The following KPNB1 variants were observed in gnomAD, a reference collection of about 807,000 sequenced individuals.
The protein encoded by KPNB1 is karyopherin subunit beta 1.
KPNB1 carries 7 observed loss-of-function variants against 113.0 expected under a neutral mutation model. The ratio of observed to expected loss-of-function variants is 0.06; its 90% confidence interval spans 0.04 to 0.12. KPNB1 has a LOEUF of 0.12. Ranked by LOEUF, KPNB1 falls within the 10% of genes least tolerant of loss-of-function variation. KPNB1 has a pLI of 1.00. For synonymous variants in KPNB1, 363 were observed against 378.6 expected (o/e 0.96, Z 0.48); for missense variants, 400 against 1,054.8 (o/e 0.38, Z 8.60).
At chr17:47,676,369 C>G (rs1191278086) in intron 15 of KPNB1, 40 bp from the exon 16 acceptor site, 1 of 1,417,560 alleles carries the variant, frequency 7.1e-7, no homozygotes, top group East Asian at 2.3e-5. Context: ...CTGTGTTAAC[C>G]CGTGGTGCTG....
chr17:47,663,687 C>T (rs953608663), intron 7 of KPNB1, among the ~76,000 whole-genome samples: 2 of 151,116 alleles, frequency 1.3e-5, no homozygotes, highest in Admixed American at 6.6e-5. Context: ...AAACAACCTG[C>T]ATTTTGAAAA....
At chr17:47,681,053 TTTTG>T (rs1219913857) in intron 21 of KPNB1, among the ~76,000 whole-genome samples, 147 of 125,500 alleles carry the variant, frequency 1.2e-3, no homozygotes, top group Admixed American at 2.5e-3. Flanking sequence ...TCAAATGTTT[TTTTG>T]TGTGTGTGTG....
rs113825536 is a variant in KPNB1, at chr17:47,675,367, T to G, written c.1912+585T>G. Among the ~76,000 whole-genome samples the G allele has an allele frequency of 9.0e-3, 1,001 of 111,444 alleles. 40 individuals carry two copies. Among genetic ancestry groups the G allele is most frequent in the South Asian group, 0.024 (88 of 3,638 alleles). 73.1% of individuals were successfully genotyped at this position (111,444 alleles called of 152,430 possible). Reference sequence around the variant, plus strand: ...GGAGATTGGCAGAGGTGTTGTTTTTTTTTTGTTTTTTTTTTTTGTTTGTTT... The same window carrying G: ...GGAGATTGGCAGAGGTGTTGTTTTTGTTTTGTTTTTTTTTTTTGTTTGTTT... On this transcript the variant is annotated intron_variant, in intron 15 of 21. Coordinates refer to ENST00000290158, the MANE Select transcript of KPNB1 (RefSeq NM_002265.6).
chr17:47,654,146 G>A (rs1206973826), intron 3 of KPNB1, among the ~76,000 whole-genome samples: 1 of 152,160 alleles, frequency 6.6e-6, no homozygotes, highest in Non-Finnish European at 1.5e-5. Flanking sequence ...TGGGCGCAGT[G>A]GCTCATGCCT....
At position 47,664,165 on chromosome 17, in the gene KPNB1, A is replaced by G. The variant is rs770855106; in HGVS notation, c.793A>G (p.Ile265Val). The change falls in exon 8 of 22, where the codon ATC becomes GTC. Residue 265 changes from isoleucine (I) to valine (V), a missense_variant. By Grantham distance (29) the Ile-to-Val change is conservative. Transcript: ENST00000290158. Reference protein sequence around the residue: ...YMGPALFAITIEAMKSDIDEV... With the variant: ...YMGPALFAITVEAMKSDIDEV... ...GGGTGTTTTTCTTCTTAAGATCACA[A>G]TCGAAGCAATGAAAAGTGACATTGA... The G allele has an allele frequency of 4.3e-6, 7 of 1,610,836 alleles. No individual in the cohort carries two copies. The highest frequency in any genetic ancestry group is 5.9e-6 in the Non-Finnish European group (7 of 1,177,102).
chr17:47,662,685 G>A (rs1418253544), intron 6 of KPNB1, among the ~76,000 whole-genome samples: 2 of 151,886 alleles, frequency 1.3e-5, no homozygotes, highest in Admixed American at 1.3e-4. Context: ...AGTTCGAGAT[G>A]AGCCTGGTCA....
intron 19 of KPNB1, 32 bp from the exon 20 acceptor site, chr17:47,679,988 C>T (rs1308205053): frequency 1.0e-5 from 15 of 1,478,522 alleles, no homozygotes; most frequent in Non-Finnish European, 1.4e-5. Flanking sequence ...TGAGCCACCG[C>T]ACCCGACCAA....
chr17:47,651,208 C>T (rs1915558203), intron 2 of KPNB1: 2 of 984,976 alleles, frequency 2.0e-6, no homozygotes. Context: ...TTAAGGGGTC[C>T]GGAGAAAATG....
At chr17:47,665,016 C>T in intron 8 of KPNB1, 41 bp from the exon 9 acceptor site, 6 of 1,482,432 alleles carry the variant, frequency 4.0e-6, no homozygotes, top group Admixed American at 1.7e-5. Context: ...GTATACAGAG[C>T]TCGGTTGCTT....
At chr17:47,656,001 C>G (rs1448121707) in intron 3 of KPNB1, among the ~76,000 whole-genome samples, 2 of 152,194 alleles carry the variant, frequency 1.3e-5, no homozygotes, top group African/African-American at 4.8e-5. Flanking sequence ...CGCCTGTCAT[C>G]CCAGTACTTT....
chr17:47,654,072 G>C (rs1915652952), intron 3 of KPNB1, among the ~76,000 whole-genome samples: 1 of 152,056 alleles, frequency 6.6e-6, no homozygotes, highest in Non-Finnish European at 1.5e-5. Flanking sequence ...AATTGTAATT[G>C]GCTTATTTTT....
chr17:47,651,364 A>T, intron 2 of KPNB1: 1 of 985,096 alleles, frequency 1.0e-6, no homozygotes, highest in Non-Finnish European at 1.2e-6. Context: ...GATGCTTGAC[A>T]TCTTTGAGAA....
chr17:47,675,376 TTTTTTTTTGTTTG>T (rs1158428955), intron 15 of KPNB1, among the ~76,000 whole-genome samples: 1,704 of 118,848 alleles, frequency 0.014, 291 homozygotes, highest in African/African-American at 0.053. Context: ...TTTTTTGTTT[TTTTTTTTTGTTTG>T]TTTTTTTTTT....
chr17:47,651,237 A>G (rs1915559051), intron 2 of KPNB1: 1 of 985,178 alleles, frequency 1.0e-6, no homozygotes, highest in Non-Finnish European at 1.2e-6. Context: ...TCCGCTAGAG[A>G]CTGGTCCTTT....
Position 47,656,904 on chromosome 17 carries a change from C to T in KPNB1, c.327C>T (p.Ala109=), listed in dbSNP as rs574410983. Reference sequence around the variant, plus strand: ...CAGAAACTTACCGGCCTAGTTCTGCCTCACAGTGTGTGGCTGGTATTGCTT... The same window carrying T: ...CAGAAACTTACCGGCCTAGTTCTGCTTCACAGTGTGTGGCTGGTATTGCTT... ...LGTETYRPSS[A]SQCVAGIACA... The change falls in exon 4 of 22, where the codon GCC becomes GCT. Residue 109 remains alanine (A), a synonymous_variant. Coordinates refer to ENST00000290158, the MANE Select transcript of KPNB1 (RefSeq NM_002265.6). The T allele has an allele frequency of 7.4e-6, 12 of 1,614,032 alleles. No homozygotes were observed. Among genetic ancestry groups the T allele is most frequent in the Non-Finnish European group, 1.0e-5 (12 of 1,180,046 alleles).
Position 47,682,608 on chromosome 17 carries a change from T to C in KPNB1, c.*204T>C, listed in dbSNP as rs1277553520. ...ACAGCAGCGCTGTTAGTGAGCTAAG[T>C]AAGCACTGACTTCGTAGAAAACCAT... is the stretch of plus-strand genomic sequence containing the variant. On this transcript the variant is annotated 3_prime_UTR_variant, in exon 22 of 22. Coordinates refer to ENST00000290158, the MANE Select transcript of KPNB1 (RefSeq NM_002265.6). 3 of 586,964 alleles carry C rather than the reference T, an allele frequency of 5.1e-6. No homozygotes were observed. The highest frequency in any genetic ancestry group is 6.3e-5 in the Admixed American group (2 of 31,908). The allele number at this position is 586,964 out of a possible 1,614,324, so 36.4% of individuals were successfully genotyped here. A position where few individuals can be genotyped will look rare whatever the true frequency, so the allele number is the denominator to read the frequency against.
chr17:47,675,372 G>GTTTTTTTTTTTTTTTTTTTTTTTTTTTTT (rs755565036), intron 15 of KPNB1, among the ~76,000 whole-genome samples: 2 of 86,074 alleles, frequency 2.3e-5, no homozygotes, highest in East Asian at 3.8e-4. Flanking sequence ...TTTTTTTTTT[G>GTTTTTTTTTTTTTTTTTTTTTTTTTTTTT]TTTTTTTTTT....
intron 10 of KPNB1, among the ~76,000 whole-genome samples, chr17:47,668,959 C>G (rs2030369389): frequency 6.8e-6 from 1 of 147,138 alleles, no homozygotes. Context: ...GAGCGAAACT[C>G]TATCTCAAAA....
chr17:47,669,053 A>G (rs1471431300), intron 10 of KPNB1, among the ~76,000 whole-genome samples: 1 of 151,370 alleles, frequency 6.6e-6, no homozygotes, highest in Non-Finnish European at 1.5e-5. Context: ...AGATGCCATC[A>G]TAGCTGCATC....
Sources: gnomAD v4.1 joint callset for allele counts (sites outside exome capture counted in the v4.1 genomes callset) on GRCh38, gnomAD v4.1.1 for gene constraint, MANE v1.5 for transcripts, NCBI Gene and HGNC (gene_info 2026-07-23, HGNC 2026-07-21) for gene names.